The following KANSL3 variants were observed in gnomAD, a reference collection of about 807,000 sequenced individuals.
KANSL3 encodes NSL complex protein NSL3.
In KANSL3, 16 loss-of-function variants were observed where a neutral mutation model predicts 89.2. The ratio of observed to expected loss-of-function variants is 0.18; its 90% CI spans 0.12 to 0.27. The LOEUF (loss-of-function observed/expected upper bound fraction) is 0.27. Ranked by LOEUF, KANSL3 falls within the 10% of genes least tolerant of loss-of-function variation. The pLI, the probability that KANSL3 is intolerant of heterozygous loss-of-function variation, is 1.00. For synonymous variants in KANSL3, 385 were observed against 419.7 expected (o/e 0.92, Z 1.01); for missense variants, 879 against 1,110.6 (o/e 0.79, Z 2.96).
At chr2:96,600,309 G>T in intron 20 of KANSL3, 1 of 470,644 alleles carries the variant, frequency 2.1e-6, no homozygotes, top group Non-Finnish European at 2.8e-6. Flanking sequence ...ATCTCTAGGA[G>T]TAGCATCATG....
At chr2:96,606,753 A>C in intron 14 of KANSL3, 1 of 298,652 alleles carries the variant, frequency 3.3e-6, no homozygotes, top group Non-Finnish European at 6.5e-6. Context: ...AAGAGACAAA[A>C]AAGAAAACAC....
chr2:96,588,054 C>T, the KANSL3 span, among the ~76,000 whole-genome samples: 1 of 151,844 alleles, frequency 6.6e-6, no homozygotes, highest in African/African-American at 2.4e-5. Flanking sequence ...CCACTGGGGG[C>T]ATGATGCAGA....
In KANSL3 at chr2:96,601,748, C is replaced by G; in HGVS notation, c.2511G>C (p.Leu837=). Residue 837 remains leucine, a synonymous_variant, in exon 20 of 21, where the codon CTG becomes CTC. Transcript: ENST00000431828. ...SGLKVPTTIT[L]TLRGQPSRIT... is the part of the protein sequence containing the mutation. ...TCCTGCTCGGCTGGCCACGAAGTGT[C>G]AGAGTAATGGTGGTGGGGACCTTCA... 6.3e-7 allele frequency: 1 copy of G among 1,589,646 alleles called. No individual in the cohort carries two copies. Among genetic ancestry groups the G allele is most frequent in the Non-Finnish European group, 8.5e-7 (1 of 1,170,290 alleles).
chr2:96,589,728 A>T (rs1410984446), downstream of KANSL3, among the ~76,000 whole-genome samples: 1 of 152,204 alleles, frequency 6.6e-6, no homozygotes, highest in Non-Finnish European at 1.5e-5. Context: ...ACTCCACCCT[A>T]CAGCAGAACA....
At chr2:96,591,669 T>A (rs146703597), downstream of KANSL3, among the ~76,000 whole-genome samples, 9 of 152,170 alleles carry the variant, frequency 5.9e-5, no homozygotes, top group Non-Finnish European at 1.3e-4. Context: ...GATACTATGA[T>A]TGGACTGGGT....
chr2:96,608,810 C>G, intron 13 of KANSL3, 54 bp downstream of exon 13: 1 of 1,516,858 alleles, frequency 6.6e-7, no homozygotes, highest in Admixed American at 2.1e-5. Context: ...ATTAAGGAAC[C>G]AACTCTGTGG....
chr2:96,605,064 T>C (rs576366773), intron 15 of KANSL3, among the ~76,000 whole-genome samples: 1 of 152,332 alleles, frequency 6.6e-6, no homozygotes, highest in South Asian at 2.1e-4. Context: ...GTACCTTTAA[T>C]TGAAGCCAAC....
At chr2:96,614,698 G>A (rs1007403060) in intron 5 of KANSL3, among the ~76,000 whole-genome samples, 3 of 151,350 alleles carry the variant, frequency 2.0e-5, no homozygotes, top group South Asian at 2.1e-4. Flanking sequence ...CTGAACCCGG[G>A]AGGTGGAGGT....
intron 5 of KANSL3, among the ~76,000 whole-genome samples, chr2:96,617,095 ACT>A (rs1462979557): frequency 6.6e-6 from 1 of 151,504 alleles, no homozygotes; most frequent in Non-Finnish European, 1.5e-5. Context: ...CTGGGCCACC[ACT>A]CTCTGTCTGC....
rs542929480 is a variant in KANSL3 at position 96,608,176 on chromosome 2, C to A, written c.1741+332G>T. On this transcript the variant is annotated intron_variant, in intron 14 of 20. Transcript: ENST00000431828. ...TACCCTAGAATCTGATTAATAAAAT[C>A]AATCACCCAATACATATGATTGGAG... 2.0e-4 allele frequency among the ~76,000 whole-genome samples: 31 copies of A among 152,274 alleles called. No individual in the cohort carries two copies. In the East Asian group the frequency reaches 5.2e-3, roughly 26 times the overall value.
downstream of KANSL3, among the ~76,000 whole-genome samples, chr2:96,588,849 C>T (rs2066257182): frequency 6.6e-6 from 1 of 152,156 alleles, no homozygotes; most frequent in African/African-American, 2.4e-5. Flanking sequence ...CTGCCTTGGC[C>T]TTGCAAAGTG....
At chr2:96,633,461 C>CGT (rs2073774650) in intron 2 of KANSL3, among the ~76,000 whole-genome samples, 1 of 151,050 alleles carries the variant, frequency 6.6e-6, no homozygotes, top group Admixed American at 6.6e-5. Context: ...CCCAGCTACT[C>CGT]AGGAGGCTGA....
At chr2:96,615,570 T>C (rs2069918109) in intron 5 of KANSL3, 1 of 1,218,946 alleles carries the variant, frequency 8.2e-7, no homozygotes, top group Admixed American at 2.4e-5. Flanking sequence ...AATGTTTAAA[T>C]ATTAGAGGCA....
At chr2:96,621,651 A>C (rs1558746243) in intron 3 of KANSL3, among the ~76,000 whole-genome samples, 1 of 152,094 alleles carries the variant, frequency 6.6e-6, no homozygotes. Context: ...AAAAATAAAA[A>C]ACAAAAAAAA....
chr2:96,604,785 G>A lies in KANSL3; in HGVS notation c.2012C>T (p.Thr671Ile). 2 of 1,593,972 alleles carry A rather than the reference G, an allele frequency of 1.3e-6. No individual in the cohort carries two copies. Among genetic ancestry groups the A allele is most frequent in the Non-Finnish European group, 1.7e-6 (2 of 1,169,842 alleles). ...TGGTCCAATAAACACTCACTTGGCTGTGGTGAGAAGTCCTGTGAGCTCCTT... is the reference window on the plus strand; with the variant it reads ...TGGTCCAATAAACACTCACTTGGCTATGGTGAGAAGTCCTGTGAGCTCCTT... ...GAKELTGLLT[T>I]AKSSSSEGGV... The change falls in exon 16 of 21, where the codon ACA becomes ATA. Residue 671 changes from threonine (T) to isoleucine (I), a missense_variant. Physicochemically the swap from Thr to Ile is moderately conservative, Grantham distance 89. Around this residue, in one of 6 missense-constraint regions of KANSL3, gnomAD observed 317 missense variants for 311.2 expected, o/e 1.02. Coordinates refer to ENST00000431828, the MANE Select transcript of KANSL3 (RefSeq NM_001115016.3).
chr2:96,616,780 G>A (rs2070215096), intron 5 of KANSL3, among the ~76,000 whole-genome samples: 1 of 152,116 alleles, frequency 6.6e-6, no homozygotes, highest in African/African-American at 2.4e-5. Context: ...CCCACACCGT[G>A]GCCCAGCAGC....
chr2:96,631,154 C>A (rs1299466751), intron 3 of KANSL3, among the ~76,000 whole-genome samples, 158 bp downstream of exon 3: 1 of 152,242 alleles, frequency 6.6e-6, no homozygotes, highest in Non-Finnish European at 1.5e-5. Context: ...AAGGAGCTCA[C>A]ACACAGCATG....
chr2:96,609,950 CAAAAAAAAAAAAAAAA>C (rs35175492), intron 11 of KANSL3, among the ~76,000 whole-genome samples: 9 of 21,614 alleles, frequency 4.2e-4, no homozygotes, highest in South Asian at 4.2e-3. Flanking sequence ...GGCGCCACCT[CAAAAAAAAAAAAAAAA>C]AAAAAAAAAA....
chr2:96,611,025 C>T (rs754571563), intron 10 of KANSL3, 39 bp downstream of exon 10: 1 of 1,602,516 alleles, frequency 6.2e-7, no homozygotes, highest in Non-Finnish European at 8.6e-7. Flanking sequence ...CGCGCTCCCA[C>T]TGCCAATGAC....
Sources: gnomAD v4.1 joint callset for allele counts (sites outside exome capture counted in the v4.1 genomes callset) on GRCh38, gnomAD v4.1.1 for gene constraint, gnomAD v4.1.1 regional missense constraint, MANE v1.5 for transcripts, NCBI Gene and HGNC (gene_info 2026-07-23, HGNC 2026-07-21) for gene names.